ALG14: variants seen among roughly 807,000 people sequenced by gnomAD.
ALG14 encodes ALG14 UDP-N-acetylglucosaminyltransferase subunit, also known as UDP-N-acetylglucosamine transferase subunit ALG14.
A neutral mutation model predicts 22.8 loss-of-function variants in ALG14; 17 were observed. The observed-to-expected ratio is 0.75, with a 90% CI of 0.51 to 1.12. ALG14 has a LOEUF of 1.12. Among genes scored for constraint, ALG14 ranks in the 50% most tolerant of loss-of-function variants. ALG14 has a pLI of 0.00. For synonymous variants in ALG14, 89 were observed against 103.7 expected (o/e 0.86, Z 0.86); for missense variants, 288 against 271.8 (o/e 1.06, Z -0.42).
chr1:94,987,496 A>G (rs1672674047), intron 3 of ALG14, among the ~76,000 whole-genome samples: 1 of 152,232 alleles, frequency 6.6e-6, no homozygotes, highest in South Asian at 2.1e-4. Flanking sequence ...GAAAACGGAA[A>G]GAGGACAGGA....
chr1:95,056,797 G>A (rs905282469), intron 2 of ALG14, among the ~76,000 whole-genome samples: 1 of 150,842 alleles, frequency 6.6e-6, no homozygotes, highest in Admixed American at 6.6e-5. Flanking sequence ...GGTGGCTCAC[G>A]CCTGTAATCC....
At position 94,981,236 on chromosome 1, in the gene ALG14, C is replaced by T. The variant is rs372581571; in HGVS notation, c.*1840G>A. ...TATGATACTAATACGCTCTGATACT[C>T]CAGGGAAGCAACCAGTGACTGAGAT... On this transcript the variant is annotated 3_prime_UTR_variant, in exon 4 of 4. Coordinates refer to ENST00000370205, the MANE Select transcript of ALG14 (RefSeq NM_144988.4). The T allele has an allele frequency of 6.6e-5, 10 of 152,138 alleles. No individual in the cohort carries two copies. The highest frequency in any genetic ancestry group is 2.4e-4 in the African/African-American group (10 of 41,422). 9.4% of individuals were successfully genotyped at this position (152,138 alleles called of 1,614,324 possible). A position where few individuals can be genotyped will look rare whatever the true frequency, so the allele number is the denominator to read the frequency against.
chr1:95,003,614 A>G (rs540005132), intron 3 of ALG14, among the ~76,000 whole-genome samples: 21 of 151,650 alleles, frequency 1.4e-4, no homozygotes, highest in Non-Finnish European at 2.9e-4. Context: ...ATGCCTGGCT[A>G]ATTTTTTAAA....
intron 3 of ALG14, among the ~76,000 whole-genome samples, chr1:95,016,269 GTT>G (rs1012399590): frequency 6.7e-6 from 1 of 148,794 alleles, no homozygotes. Context: ...GACAAGAACT[GTT>G]TTTTTTTTAT....
At chr1:95,013,548 T>C (rs1673426646) in intron 3 of ALG14, among the ~76,000 whole-genome samples, 1 of 152,146 alleles carries the variant, frequency 6.6e-6, no homozygotes, top group Non-Finnish European at 1.5e-5. Flanking sequence ...CTCAAACTCC[T>C]GACCTTGTGA....
chr1:95,060,344 ACT>A (rs1347606140), intron 2 of ALG14, among the ~76,000 whole-genome samples: 2 of 152,148 alleles, frequency 1.3e-5, no homozygotes, highest in Non-Finnish European at 2.9e-5. Flanking sequence ...CCAGTAGGCG[ACT>A]GTTAGTAAAA....
At chr1:95,062,178 T>G (rs1675186008) in intron 2 of ALG14, 1 of 152,218 alleles carries the variant, frequency 6.6e-6, no homozygotes, top group African/African-American at 2.4e-5. Flanking sequence ...ATGAACAGGA[T>G]GCTTCGTGTA....
intron 3 of ALG14, among the ~76,000 whole-genome samples, chr1:94,997,619 T>A (rs971848210): frequency 2.4e-4 from 37 of 152,184 alleles, no homozygotes; most frequent in African/African-American, 8.2e-4. Flanking sequence ...CGTGGGGGAA[T>A]CATTTCACCT....
intron 2 of ALG14, among the ~76,000 whole-genome samples, chr1:95,033,076 T>G (rs1238344903): frequency 6.6e-6 from 1 of 152,082 alleles, no homozygotes; most frequent in Non-Finnish European, 1.5e-5. Context: ...TCTGGAGAAA[T>G]CCAAATGAAG....
In ALG14 at chr1:94,975,654, T is replaced by G. The variant is rs557050866; in HGVS notation, c.*7422A>C. The G allele has an allele frequency of 4.6e-5, 7 of 152,248 alleles. No individual in the cohort carries two copies. The highest frequency in any genetic ancestry group is 4.4e-5 in the Non-Finnish European group (3 of 68,000). The allele number at this position is 152,248 out of a possible 1,614,324, so 9.4% of individuals were successfully genotyped here. ...TCCAAATCCTTGGCAGCATGTATTT[T>G]CTGGGTTTTCTTGGACTATAGCCAC... is the stretch of plus-strand genomic sequence containing the variant. On this transcript the variant is annotated 3_prime_UTR_variant, in exon 4 of 4. Transcript: ENST00000370205.
intron 3 of ALG14, among the ~76,000 whole-genome samples, chr1:95,023,557 T>C (rs970438980): frequency 6.6e-6 from 1 of 152,006 alleles, no homozygotes; most frequent in Non-Finnish European, 1.5e-5. Flanking sequence ...AATAAGTACA[T>C]CTAAATTTGT....
At chr1:95,039,666 G>T (rs1220308201) in intron 2 of ALG14, among the ~76,000 whole-genome samples, 5 of 152,158 alleles carry the variant, frequency 3.3e-5, no homozygotes, top group Non-Finnish European at 7.3e-5. Flanking sequence ...ACATACACAG[G>T]TATTTTAGGT....
At chr1:94,983,623 G>A in intron 3 of ALG14, 1 of 259,570 alleles carries the variant, frequency 3.9e-6, no homozygotes. Flanking sequence ...TTCTCTGACT[G>A]CTCTGTGGAC....
intron 2 of ALG14, among the ~76,000 whole-genome samples, chr1:95,061,136 G>C (rs74103628): frequency 0.046 from 6,961 of 152,226 alleles, 212 homozygotes; most frequent in South Asian, 0.083. Context: ...TCCGGAGGGA[G>C]TATGGCCCCA....
At position 95,047,736 on chromosome 1, in the gene ALG14, T is replaced by A. The variant is rs551644533; in HGVS notation, c.288+17130A>T. 1.4e-4 allele frequency among the ~76,000 whole-genome samples: 22 copies of A among 152,190 alleles called. No homozygotes were observed. The East Asian group carries it at 3.9e-3, about 27-fold the overall frequency. ...GAGTCACGCCTGTAATCCCAGAGCT[T>A]CGGGAAGCTCAGGTAGGAGAATTGC... On this transcript the variant is annotated intron_variant, in intron 2 of 3. Coordinates refer to ENST00000370205, the MANE Select transcript of ALG14 (RefSeq NM_144988.4).
At chr1:95,068,460 T>C (rs1245103832) in intron 1 of ALG14, among the ~76,000 whole-genome samples, 1 of 152,100 alleles carries the variant, frequency 6.6e-6, no homozygotes, top group African/African-American at 2.4e-5. Context: ...CTAATTTTTT[T>C]GTATTTTTTA....
chr1:95,039,170 A>C (rs1319203020), intron 2 of ALG14, among the ~76,000 whole-genome samples: 4 of 152,192 alleles, frequency 2.6e-5, no homozygotes, highest in African/African-American at 7.2e-5. Context: ...TTCAGAGCTG[A>C]GAGACATGAA....
At chr1:95,027,352 T>C in intron 2 of ALG14, 92 bp from the exon 3 acceptor site, 1 of 1,444,352 alleles carries the variant, frequency 6.9e-7, no homozygotes, top group Non-Finnish European at 9.5e-7. Flanking sequence ...ACAGAAATGC[T>C]TTCTTTAATT....
chr1:95,056,601 C>T (rs1431514416), intron 2 of ALG14, among the ~76,000 whole-genome samples: 4 of 151,824 alleles, frequency 2.6e-5, no homozygotes, highest in East Asian at 1.9e-4. Context: ...GCTGTGATCA[C>T]GCCACTGCAC....
Sources: allele counts gnomAD v4.1 joint callset (sites outside exome capture counted in the v4.1 genomes callset), GRCh38; gene constraint gnomAD v4.1.1; transcripts MANE v1.5; gene names NCBI Gene and HGNC (gene_info 2026-07-23, HGNC 2026-07-21).